TP63: variants seen among roughly 807,000 people sequenced by gnomAD.
The protein encoded by TP63 is tumor protein 63.
A neutral mutation model predicts 82.8 loss-of-function variants in TP63; 17 were observed. That is an observed-to-expected ratio of 0.21 (90% CI 0.14 to 0.31). The LOEUF is 0.31. Ranked by LOEUF, TP63 falls within the 10% of genes least tolerant of loss-of-function variation. The probability of loss-of-function intolerance (pLI) is 1.00; values close to 1 mark genes in which losing one functional copy is unlikely to be tolerated. For synonymous variants in TP63, 330 were observed against 321.7 expected, an observed-to-expected ratio of 1.03 and a Z score of -0.28; for missense variants, 648 against 895.3, an observed-to-expected ratio of 0.72 and a Z score of 3.52.
At chr3:189,802,038 C>T (rs1483391674) in intron 3 of TP63, among the ~76,000 whole-genome samples, 2 of 152,092 alleles carry the variant, frequency 1.3e-5, no homozygotes, top group Non-Finnish European at 2.9e-5. Flanking sequence ...TGGAGTAGAA[C>T]ACTGTAAGTC....
At chr3:189,656,095 A>G (rs1713329791) in intron 1 of TP63, among the ~76,000 whole-genome samples, 1 of 152,164 alleles carries the variant, frequency 6.6e-6, no homozygotes, top group African/African-American at 2.4e-5. Flanking sequence ...AACATAAAAT[A>G]TTTACTTTTT....
chr3:189,751,346 C>T (rs1049879588), intron 3 of TP63, among the ~76,000 whole-genome samples: 11 of 152,064 alleles, frequency 7.2e-5, no homozygotes, highest in African/African-American at 1.4e-4. Flanking sequence ...GTAATGGGAC[C>T]GCTGGGTCAA....
intron 3 of TP63, chr3:189,789,939 G>T (rs1022492910): frequency 5.0e-6 from 6 of 1,206,458 alleles, no homozygotes; most frequent in African/African-American, 1.6e-5. Flanking sequence ...GTCACCCAAT[G>T]TAATGTTTTG....
At chr3:189,827,787 G>C (rs1219400491) in intron 4 of TP63, among the ~76,000 whole-genome samples, 4 of 152,158 alleles carry the variant, frequency 2.6e-5, no homozygotes. Flanking sequence ...CCACCCTAAG[G>C]AGTTTGGCTC....
At chr3:189,661,936 G>A (rs1029322281) in intron 1 of TP63, among the ~76,000 whole-genome samples, 7 of 151,900 alleles carry the variant, frequency 4.6e-5, no homozygotes, top group Admixed American at 2.6e-4. Context: ...TTTTGATTGC[G>A]CTTATTTGGA....
chr3:189,823,446 A>G (rs917853913), intron 4 of TP63, among the ~76,000 whole-genome samples: 1 of 152,128 alleles, frequency 6.6e-6, no homozygotes. Context: ...AGTTTGGAGA[A>G]TGCCACGGCA....
chr3:189,618,853 C>T, the TP63 span, among the ~76,000 whole-genome samples: 18 of 152,160 alleles, frequency 1.2e-4, no homozygotes, highest in South Asian at 6.2e-4. Context: ...TCTTATCTAC[C>T]GTCTTGTAGG....
intron 3 of TP63, among the ~76,000 whole-genome samples, chr3:189,756,929 C>G (rs1722230506): frequency 1.3e-5 from 2 of 152,154 alleles, no homozygotes; most frequent in Admixed American, 1.3e-4. Flanking sequence ...CTGATTCTGA[C>G]CTTGCATCCT....
intron 3 of TP63, among the ~76,000 whole-genome samples, chr3:189,804,008 G>A (rs1400311802): frequency 6.6e-6 from 1 of 152,148 alleles, no homozygotes; most frequent in Non-Finnish European, 1.5e-5. Context: ...TGTTTAGAAA[G>A]GGAGAACCTG....
intron 1 of TP63, among the ~76,000 whole-genome samples, chr3:189,714,802 A>C (rs1220034112): frequency 6.6e-6 from 1 of 152,190 alleles, no homozygotes; most frequent in Non-Finnish European, 1.5e-5. Context: ...ACAGACATAC[A>C]TGTACACATT....
intron 4 of TP63, among the ~76,000 whole-genome samples, chr3:189,839,896 T>C (rs530458985): frequency 2.6e-5 from 4 of 152,096 alleles, no homozygotes; most frequent in African/African-American, 7.2e-5. Context: ...GGAGCAAGGG[T>C]GCTGCAGTGA....
rs767896732 is a variant in TP63, at chr3:189,808,221, A to G, written c.325-51A>G. On this transcript the variant is annotated intron_variant, in intron 3 of 13. Coordinates refer to ENST00000264731, the MANE Select transcript of TP63 (RefSeq NM_003722.5). ...CCCATGGATGCCTTTTTTTGGAGCAATGATCCGTGGCTTCAGCGGCTAATA... is the reference window on the plus strand; with the variant it reads ...CCCATGGATGCCTTTTTTTGGAGCAGTGATCCGTGGCTTCAGCGGCTAATA... The G allele has an allele frequency of 4.3e-6, 7 of 1,613,912 alleles. No homozygotes were observed. The East Asian group carries it at 1.3e-4, about 31-fold the overall frequency.
chr3:189,804,498 A>G (rs752962963), intron 3 of TP63, among the ~76,000 whole-genome samples: 15 of 152,172 alleles, frequency 9.9e-5, no homozygotes, highest in Non-Finnish European at 1.8e-4. Context: ...AAATTGTACA[A>G]ATTGTTTTGC....
rs74709398 is a variant in TP63 at position 189,696,281 on chromosome 3, C to G, written c.63-41459C>G. On this transcript the variant is annotated intron_variant, in intron 1 of 13. Coordinates refer to ENST00000264731, the MANE Select transcript of TP63 (RefSeq NM_003722.5). ...TATAATTTTGCCTTTTACAGAATGT[C>G]ATATACTTGGAATCATATGGTATGT... Among the ~76,000 whole-genome samples, 242 of 152,210 alleles carry G rather than the reference C, an allele frequency of 1.6e-3. 1 individual carries two copies. The highest frequency in any genetic ancestry group is 5.0e-3 in the African/African-American group (208 of 41,532).
At chr3:189,752,441 A>G (rs945896452) in intron 3 of TP63, among the ~76,000 whole-genome samples, 1 of 152,148 alleles carries the variant, frequency 6.6e-6, no homozygotes, top group Non-Finnish European at 1.5e-5. Flanking sequence ...TCAGCCTCCC[A>G]AATTTCTAAG....
the TP63 span, among the ~76,000 whole-genome samples, chr3:189,622,854 A>G: frequency 6.6e-6 from 1 of 152,198 alleles, no homozygotes; most frequent in Non-Finnish European, 1.5e-5. Context: ...TCTACTTCGC[A>G]TGACAGTTGA....
At chr3:189,804,745 G>T (rs1470077224) in intron 3 of TP63, among the ~76,000 whole-genome samples, 1 of 152,172 alleles carries the variant, frequency 6.6e-6, no homozygotes, top group East Asian at 1.9e-4. Context: ...ACTTTGGTGG[G>T]TTTGTTGTTG....
rs1346349287 is a variant in TP63, at chr3:189,868,734, C to T, written c.1129+18C>T. 1.2e-6 allele frequency: 2 copies of T among 1,613,640 alleles called. No homozygotes were observed. The highest frequency in any genetic ancestry group is 1.7e-6 in the Non-Finnish European group (2 of 1,179,842). On this transcript the variant is annotated intron_variant, in intron 8 of 13. Transcript: ENST00000264731. Reference sequence around the variant, plus strand: ...GAAGCGCCGTAAGTAGATGTAGTGGCCAAATGGGGTAGGGTTGAATCTTCT... The same window carrying T: ...GAAGCGCCGTAAGTAGATGTAGTGGTCAAATGGGGTAGGGTTGAATCTTCT...
chr3:189,602,451 G>C, the TP63 span, among the ~76,000 whole-genome samples: 1 of 152,256 alleles, frequency 6.6e-6, no homozygotes, highest in South Asian at 2.1e-4. Context: ...CAGAGGCTAA[G>C]AAAGGAGGGA....
Sources: allele counts gnomAD v4.1 joint callset (sites outside exome capture counted in the v4.1 genomes callset), GRCh38; gene constraint gnomAD v4.1.1; transcripts MANE v1.5; gene names NCBI Gene and HGNC (gene_info 2026-07-23, HGNC 2026-07-21).